Variants in SMOC1 observed in about 807,000 individuals in gnomAD.
SMOC1 encodes SPARC-related modular calcium-binding protein 1.
SMOC1 carries 22 observed loss-of-function variants against 56.3 expected under a neutral mutation model. The ratio of observed to expected loss-of-function variants is 0.39; its 90% CI spans 0.28 to 0.56. The LOEUF is 0.56. SMOC1 is among the 20% of genes least tolerant of loss of function. The pLI is 0.61. For synonymous variants in SMOC1, 193 were observed against 215.0 expected (o/e 0.90, Z 0.89); for missense variants, 509 against 565.4 (o/e 0.90, Z 1.01).
intron 1 of SMOC1, among the ~76,000 whole-genome samples, chr14:69,932,583 C>T (rs1218874421): frequency 1.3e-5 from 2 of 152,204 alleles, no homozygotes; most frequent in Non-Finnish European, 2.9e-5. Context: ...CCCTCTCCTC[C>T]GGCTCTCAAA....
chr14:69,992,122 T>C (rs1187478533), intron 5 of SMOC1, among the ~76,000 whole-genome samples: 3 of 152,146 alleles, frequency 2.0e-5, no homozygotes, highest in Non-Finnish European at 4.4e-5. Flanking sequence ...AGCAGAGTCA[T>C]ACTGGTATCC....
intron 3 of SMOC1, among the ~76,000 whole-genome samples, chr14:69,960,855 G>C (rs1883344571): frequency 6.6e-6 from 1 of 152,146 alleles, no homozygotes; most frequent in Non-Finnish European, 1.5e-5. Flanking sequence ...GCAAACTGTG[G>C]TCTGTGGACC....
intron 7 of SMOC1, among the ~76,000 whole-genome samples, chr14:70,010,035 G>A (rs1254175931): frequency 6.6e-6 from 1 of 152,230 alleles, no homozygotes; most frequent in Non-Finnish European, 1.5e-5. Flanking sequence ...GCCGGGGACT[G>A]GCTCGGGGGA....
At chr14:69,916,744 G>A (rs1246648684) in intron 1 of SMOC1, among the ~76,000 whole-genome samples, 2 of 152,160 alleles carry the variant, frequency 1.3e-5, no homozygotes, top group Non-Finnish European at 2.9e-5. Context: ...TTCCTGGCCA[G>A]CCTATGGGTA....
rs926539189 is a variant in SMOC1, at chr14:69,975,698, T to C, written c.379-17T>C. 6.3e-7 allele frequency: 1 copy of C among 1,595,746 alleles called. No homozygotes were observed. Among genetic ancestry groups the C allele is most frequent in the Non-Finnish European group, 8.6e-7 (1 of 1,164,198 alleles). ...CCGAGACTTATGGTTTTCTTCCCTT[T>C]TCACTTCCCTGAACAGGTGCAGTGC... On this transcript the variant is annotated splice_polypyrimidine_tract_variant and intron_variant, in intron 3 of 11. Transcript: ENST00000361956.
At chr14:69,965,130 C>G (rs1883521309) in intron 3 of SMOC1, among the ~76,000 whole-genome samples, 1 of 152,124 alleles carries the variant, frequency 6.6e-6, no homozygotes, top group South Asian at 2.1e-4. Context: ...GTAATCCCAG[C>G]ACTTTGGGAG....
At chr14:69,976,558 A>C (rs140244829) in intron 4 of SMOC1, among the ~76,000 whole-genome samples, 19 of 152,282 alleles carry the variant, frequency 1.2e-4, no homozygotes, top group Admixed American at 1.2e-3. Flanking sequence ...CTTAATAAAC[A>C]TAGAGAAATT....
chr14:69,942,634 A>G (rs1882606239), intron 1 of SMOC1, among the ~76,000 whole-genome samples: 1 of 152,166 alleles, frequency 6.6e-6, no homozygotes, highest in Non-Finnish European at 1.5e-5. Flanking sequence ...GGCCTTTTCC[A>G]GGATGTCACA....
intron 7 of SMOC1, among the ~76,000 whole-genome samples, chr14:69,997,756 C>G (rs1884819621): frequency 6.6e-6 from 1 of 152,086 alleles, no homozygotes; most frequent in Non-Finnish European, 1.5e-5. Flanking sequence ...TAACTTATGT[C>G]TGGATATTTG....
intron 1 of SMOC1, among the ~76,000 whole-genome samples, chr14:69,903,952 G>T (rs1249108997): frequency 1.3e-5 from 2 of 151,744 alleles, no homozygotes; most frequent in African/African-American, 4.8e-5. Context: ...AGGAGGAGAG[G>T]TCACGTGGAG....
intron 1 of SMOC1, among the ~76,000 whole-genome samples, chr14:69,929,069 C>G (rs1200857898): frequency 1.3e-5 from 2 of 152,190 alleles, no homozygotes; most frequent in Non-Finnish European, 2.9e-5. Flanking sequence ...GGGTTGCAAG[C>G]TTGCAAGCTG....
At chr14:69,886,970 C>A (rs1883826088) in intron 1 of SMOC1, among the ~76,000 whole-genome samples, 1 of 152,202 alleles carries the variant, frequency 6.6e-6, no homozygotes, top group Non-Finnish European at 1.5e-5. Flanking sequence ...GTTGAGTATT[C>A]ACATTTCTTA....
intron 1 of SMOC1, among the ~76,000 whole-genome samples, chr14:69,888,178 G>C (rs971633698): frequency 3.9e-5 from 6 of 152,174 alleles, no homozygotes; most frequent in African/African-American, 1.4e-4. Flanking sequence ...AACAGGGTTA[G>C]ATTTGTACAG....
At position 70,009,137 on chromosome 14, in the gene SMOC1, GT is replaced by G. The variant is rs542770528; in HGVS notation, c.665-1609del. ...CTATATTTGCATTATGAAAACAGTA[GT>G]TTTTTTTCACTTCCCAAATTCAAAA... On this transcript the variant is annotated intron_variant, in intron 7 of 11. Transcript: ENST00000361956. 4.0e-4 allele frequency among the ~76,000 whole-genome samples: 61 copies of G among 151,880 alleles called. 2 individuals carry two copies. The highest frequency in any genetic ancestry group is 6.2e-4 in the Non-Finnish European group (42 of 67,970).
At chr14:69,912,233 T>C (rs912770671) in intron 1 of SMOC1, among the ~76,000 whole-genome samples, 5 of 152,188 alleles carry the variant, frequency 3.3e-5, no homozygotes, top group African/African-American at 1.2e-4. Context: ...TGCTCAACCA[T>C]AGATGAGGCA....
At chr14:69,934,111 G>T (rs1327323625) in intron 1 of SMOC1, among the ~76,000 whole-genome samples, 1 of 152,072 alleles carries the variant, frequency 6.6e-6, no homozygotes, top group South Asian at 2.1e-4. Context: ...CTTGATCAAG[G>T]TCCAAGGACC....
At chr14:69,896,290 T>C (rs1245986844) in intron 1 of SMOC1, among the ~76,000 whole-genome samples, 1 of 152,226 alleles carries the variant, frequency 6.6e-6, no homozygotes, top group Non-Finnish European at 1.5e-5. Flanking sequence ...CAGTGTAGCA[T>C]AGTGGCTTGG....
intron 6 of SMOC1, among the ~76,000 whole-genome samples, chr14:69,993,760 G>C (rs574760054): frequency 1.3e-5 from 2 of 152,294 alleles, no homozygotes; most frequent in South Asian, 4.1e-4. Flanking sequence ...GATGGAGACT[G>C]TCTCATCTTG....
chr14:69,992,076 ATAC>A (rs546899983), intron 5 of SMOC1, among the ~76,000 whole-genome samples: 38 of 152,188 alleles, frequency 2.5e-4, no homozygotes, highest in Non-Finnish European at 4.3e-4. Context: ...TGAGGGGGAG[ATAC>A]TGCCTCCCAG....
Sources: gnomAD v4.1 joint callset for allele counts (sites outside exome capture counted in the v4.1 genomes callset) on GRCh38, gnomAD v4.1.1 for gene constraint, MANE v1.5 for transcripts, NCBI Gene and HGNC (gene_info 2026-07-23, HGNC 2026-07-21) for gene names.